ERC2: variants seen among roughly 807,000 people sequenced by gnomAD.
ERC2 encodes ERC protein 2.
ERC2 carries 42 observed loss-of-function variants against 114.8 expected under a neutral mutation model. That is an observed-to-expected ratio of 0.37 (90% CI 0.29 to 0.47). The LOEUF (loss-of-function observed/expected upper bound fraction) is 0.47, where lower values mean the gene tolerates loss of function less well. Among genes scored for constraint, ERC2 ranks in the 20% least tolerant of loss-of-function variants. ERC2 has a pLI of 0.99. For missense variants in ERC2, 939 were observed against 1,150.7 expected, an observed-to-expected ratio of 0.82 and a Z score of 2.66; for synonymous variants, 454 against 425.5, an observed-to-expected ratio of 1.07 and a Z score of -0.82.
intron 14 of ERC2, among the ~76,000 whole-genome samples, chr3:55,759,557 C>T (rs542860092): frequency 9.2e-5 from 12 of 130,520 alleles, no homozygotes; most frequent in African/African-American, 2.8e-4. Flanking sequence ...TATTCAAGGA[C>T]GAAAGACTAA....
chr3:56,318,606 A>G (rs2056979407), intron 2 of ERC2, among the ~76,000 whole-genome samples: 1 of 151,980 alleles, frequency 6.6e-6, no homozygotes, highest in Non-Finnish European at 1.5e-5. Context: ...AAAAAAGACA[A>G]CCTGATTTTA....
chr3:56,440,420 C>T (rs1276311471), intron 1 of ERC2, among the ~76,000 whole-genome samples: 2 of 151,886 alleles, frequency 1.3e-5, no homozygotes, highest in Non-Finnish European at 2.9e-5. Context: ...TGGTGGTGGG[C>T]GCATGTAGTC....
intron 17 of ERC2, chr3:55,658,074 T>C (rs943698771): frequency 5.3e-5 from 8 of 152,164 alleles, no homozygotes; most frequent in African/African-American, 1.7e-4. Context: ...AACTGACTTA[T>C]GGAAAAAGGC....
At chr3:55,514,329 C>G (rs942071400) in intron 17 of ERC2, among the ~76,000 whole-genome samples, 1 of 151,948 alleles carries the variant, frequency 6.6e-6, no homozygotes, top group Non-Finnish European at 1.5e-5. Context: ...CTGGGGAGGT[C>G]GAGGCTGCAG....
Position 56,360,082 on chromosome 3 carries a change from T to TTG in ERC2, c.658-63648_658-63647insCA, listed in dbSNP as rs3055937. 3.4e-5 allele frequency among the ~76,000 whole-genome samples: 5 copies of TTG among 149,094 alleles called. No individual in the cohort carries two copies. In the East Asian group the frequency reaches 9.9e-4, roughly 29 times the overall value. ...AAATCTTTTTTTTTTTTTTTTTTTT[T>TTG]GAGACGGAGTCTCGTTCTGTCACCC... On this transcript the variant is annotated intron_variant, in intron 2 of 17. Coordinates refer to ENST00000288221, the MANE Select transcript of ERC2 (RefSeq NM_015576.3).
chr3:55,830,716 G>A (rs1443727817), intron 14 of ERC2, among the ~76,000 whole-genome samples: 1 of 152,122 alleles, frequency 6.6e-6, no homozygotes, highest in African/African-American at 2.4e-5. Context: ...GTCTGAGGTG[G>A]GAGGATGACT....
chr3:56,445,492 C>T (rs1220436913), intron 1 of ERC2, among the ~76,000 whole-genome samples: 1 of 152,186 alleles, frequency 6.6e-6, no homozygotes, highest in Non-Finnish European at 1.5e-5. Flanking sequence ...TCTTATCGTC[C>T]TCTACTCTTA....
rs568960192 is a variant in ERC2, at chr3:55,940,225, C to T, written c.2403+10200G>A. On this transcript the variant is annotated intron_variant, in intron 13 of 17. Coordinates refer to ENST00000288221, the MANE Select transcript of ERC2 (RefSeq NM_015576.3). ...ACATATGTGCACCCTTCAATTAGTC[C>T]CCAGACCCCAGGATTTCAGAGTTGA... 2.6e-5 allele frequency among the ~76,000 whole-genome samples: 4 copies of T among 152,084 alleles called. No homozygotes were observed. In the East Asian group the frequency reaches 7.7e-4, roughly 29 times the overall value.
At chr3:55,517,136 T>C (rs1019289266) in intron 17 of ERC2, among the ~76,000 whole-genome samples, 1 of 152,150 alleles carries the variant, frequency 6.6e-6, no homozygotes, top group Non-Finnish European at 1.5e-5. Flanking sequence ...AACTAACATT[T>C]TTTTAAAAAT....
intron 6 of ERC2, among the ~76,000 whole-genome samples, chr3:56,129,522 CCCT>C (rs1292850930): frequency 6.6e-6 from 1 of 152,120 alleles, no homozygotes; most frequent in Non-Finnish European, 1.5e-5. Context: ...TGTTGGATTT[CCCT>C]CCTCCTAAAT....
At chr3:55,673,413 T>A (rs1008392696) in intron 17 of ERC2, among the ~76,000 whole-genome samples, 2 of 151,902 alleles carry the variant, frequency 1.3e-5, no homozygotes, top group South Asian at 2.1e-4. Context: ...TGAAACCCCG[T>A]CTCTACTAAA....
chr3:55,992,163 C>T lies in ERC2; in HGVS notation c.2149G>A (p.Asp717Asn), dbSNP rs372270089. The change falls in exon 11 of 18, where the codon GAC (aspartate) becomes AAC (asparagine). Residue 717 changes from aspartate (D) to asparagine (N), a missense_variant. Transcript: ENST00000288221. ...TCCGCTTGGGCCTTGCCACACTCGTCGCGGTAGTAAGACGCCTCTTTATCG... is the reference window on the plus strand; with the variant it reads ...TCCGCTTGGGCCTTGCCACACTCGTTGCGGTAGTAAGACGCCTCTTTATCG... ...QLDKEASYYR[D>N]ECGKAQAEVD... The T allele has an allele frequency of 1.2e-5, 20 of 1,613,802 alleles. No homozygotes were observed. The highest frequency in any genetic ancestry group is 1.6e-4 in the Middle Eastern group (1 of 6,084).
At chr3:55,935,051 T>C (rs1260002998) in intron 13 of ERC2, among the ~76,000 whole-genome samples, 1 of 152,172 alleles carries the variant, frequency 6.6e-6, no homozygotes, top group Non-Finnish European at 1.5e-5. Context: ...CATGACATTT[T>C]GGGAAACAGC....
chr3:55,714,639 ATGTGTGTGTGTGTG>A (rs34850947), intron 15 of ERC2, among the ~76,000 whole-genome samples: 4 of 99,826 alleles, frequency 4.0e-5, no homozygotes, highest in Non-Finnish European at 7.8e-5. Flanking sequence ...GTTTGTATAT[ATGTGTGTGTGTGTG>A]TGTGTGTGTG....
intron 14 of ERC2, among the ~76,000 whole-genome samples, chr3:55,845,393 G>A (rs55638022): frequency 0.34 from 51,386 of 149,240 alleles, 10,786 homozygotes; most frequent in African/African-American, 0.59. Context: ...AGTCCCAGCT[G>A]CTTGGGAGGC....
At chr3:55,725,690 A>G (rs2064868776) in intron 15 of ERC2, among the ~76,000 whole-genome samples, 1 of 152,244 alleles carries the variant, frequency 6.6e-6, no homozygotes. Context: ...TTTAAAACAG[A>G]GCTTTCACCC....
intron 7 of ERC2, among the ~76,000 whole-genome samples, chr3:56,076,978 A>T (rs1328963950): frequency 1.3e-5 from 2 of 152,152 alleles, no homozygotes; most frequent in African/African-American, 4.8e-5. Flanking sequence ...AGTCTATGAG[A>T]AAGAAATATT....
chr3:55,826,764 T>G (rs1335207023), intron 14 of ERC2, among the ~76,000 whole-genome samples: 1 of 152,250 alleles, frequency 6.6e-6, no homozygotes, highest in African/African-American at 2.4e-5. Context: ...TTACACTTAT[T>G]TATCTATTTA....
At position 56,402,985 on chromosome 3, in the gene ERC2, C is replaced by T. The variant is rs953824908; in HGVS notation, c.657+31366G>A. ...GCCTCGACCCGTTAAATGCCAGTGG[C>T]GCTCCTCCCAACTGTGGTAACCAAA... On this transcript the variant is annotated intron_variant, in intron 2 of 17. Transcript: ENST00000288221. Among the ~76,000 whole-genome samples the T allele has an allele frequency of 5.9e-5, 9 of 152,086 alleles. No homozygotes were observed. The South Asian group carries it at 6.2e-4, about 10-fold the overall frequency.
Sources: allele counts gnomAD v4.1 joint callset (sites outside exome capture counted in the v4.1 genomes callset), GRCh38; gene constraint gnomAD v4.1.1; transcripts MANE v1.5; gene names NCBI Gene and HGNC (gene_info 2026-07-23, HGNC 2026-07-21).